ZNF415: variants seen among roughly 807,000 people sequenced by gnomAD.
ZNF415 encodes zinc finger protein 415.
ZNF415 carries 5 observed loss-of-function variants against 7.3 expected under a neutral mutation model. The observed-to-expected ratio is 0.69, with a 90% CI of 0.36 to 1.44. The LOEUF (loss-of-function observed/expected upper bound fraction) is 1.44. Among genes scored for constraint, ZNF415 ranks in the 40% most tolerant of loss-of-function variants. The probability of loss-of-function intolerance (pLI) is 0.04; values close to 1 mark genes in which losing one functional copy is unlikely to be tolerated. For missense variants in ZNF415, 628 were observed against 664.8 expected, an observed-to-expected ratio of 0.94 and a Z score of 0.61; for synonymous variants, 207 against 226.3, an observed-to-expected ratio of 0.91 and a Z score of 0.77.
At chr19:53,118,214 G>C (rs2087368733) in intron 2 of ZNF415, among the ~76,000 whole-genome samples, 1 of 151,924 alleles carries the variant, frequency 6.6e-6, no homozygotes, top group African/African-American at 2.4e-5. Flanking sequence ...AGATGAAAAA[G>C]GTCATTATAT....
chr19:53,118,178 G>T (rs972232597), intron 2 of ZNF415, among the ~76,000 whole-genome samples: 3 of 151,874 alleles, frequency 2.0e-5, no homozygotes, highest in African/African-American at 7.3e-5. Flanking sequence ...CTAACAAAAT[G>T]AATTTTAAGT....
intron 1 of ZNF415, chr19:53,129,648 A>G: frequency 2.5e-6 from 1 of 399,306 alleles, no homozygotes; most frequent in East Asian, 3.6e-5. Context: ...AGAGGGAGTC[A>G]TTTCACCAAG....
intron 1 of ZNF415, among the ~76,000 whole-genome samples, chr19:53,127,886 A>AAAG (rs1201143381): frequency 1.3e-5 from 2 of 148,604 alleles, no homozygotes; most frequent in African/African-American, 2.6e-5. Context: ...AAAAAAAAAA[A>AAAG]AAAGAAAAAG....
chr19:53,125,799 A>G (rs886717471), intron 1 of ZNF415, among the ~76,000 whole-genome samples: 2 of 151,970 alleles, frequency 1.3e-5, no homozygotes, highest in Non-Finnish European at 2.9e-5. Context: ...TTAGCCGGAC[A>G]TGGTGGCACG....
intron 2 of ZNF415, among the ~76,000 whole-genome samples, chr19:53,117,587 T>C (rs2087271646): frequency 6.6e-6 from 1 of 151,982 alleles, no homozygotes; most frequent in South Asian, 2.1e-4. Context: ...ACATTAAATG[T>C]GCTGAAAGAA....
At chr19:53,127,673 T>G (rs940143497) in intron 1 of ZNF415, among the ~76,000 whole-genome samples, 6 of 151,978 alleles carry the variant, frequency 3.9e-5, no homozygotes, top group Non-Finnish European at 7.4e-5. Flanking sequence ...AGTCAGGAGA[T>G]CGAGACCATC....
chr19:53,130,350 G>A (rs2089900311), intron 1 of ZNF415, among the ~76,000 whole-genome samples: 1 of 152,076 alleles, frequency 6.6e-6, no homozygotes. Flanking sequence ...ATAATAAAGA[G>A]CAGAAAGCAT....
intron 3 of ZNF415, chr19:53,115,850 G>A: frequency 6.8e-7 from 1 of 1,466,728 alleles, no homozygotes; most frequent in Non-Finnish European, 9.3e-7. Flanking sequence ...AAAATGAATG[G>A]AACATGATGT....
rs777131360 is a variant in ZNF415, at chr19:53,122,393, G to T, written c.15+269C>A. On this transcript the variant is annotated intron_variant, in intron 2 of 3. Coordinates refer to ENST00000243643, the MANE Select transcript of ZNF415 (RefSeq NM_018355.4). ...TGCTGCCCAACAGCACTGACACCAC[G>T]GGACCCTCACCCCGTCTCCATCCAT... 2.0e-6 allele frequency: 3 copies of T among 1,536,444 alleles called. No homozygotes were observed. In the African/African-American group the frequency reaches 4.1e-5, roughly 21 times the overall value.
At chr19:53,119,905 T>G (rs759874671) in intron 2 of ZNF415, among the ~76,000 whole-genome samples, 2 of 151,904 alleles carry the variant, frequency 1.3e-5, no homozygotes, top group Non-Finnish European at 2.9e-5. Flanking sequence ...GAATAAAAAG[T>G]CTCTGAACAA....
chr19:53,132,323 G>A (rs1281509012), intron 1 of ZNF415, among the ~76,000 whole-genome samples: 3 of 152,164 alleles, frequency 2.0e-5, no homozygotes, highest in Non-Finnish European at 4.4e-5. Flanking sequence ...GTGGAGGAGG[G>A]CAGGCAAGAA....
intron 1 of ZNF415, among the ~76,000 whole-genome samples, chr19:53,125,353 T>C (rs950791928): frequency 1.3e-5 from 2 of 151,564 alleles, no homozygotes; most frequent in Admixed American, 6.6e-5. Context: ...TTTTTTTTTT[T>C]TTAAACAGGA....
intron 3 of ZNF415, among the ~76,000 whole-genome samples, chr19:53,110,444 C>A (rs4277438): frequency 0.018 from 2,684 of 152,172 alleles, 69 homozygotes; most frequent in African/African-American, 0.061. Context: ...TAATAAAACA[C>A]TGTTAAAAAT....
intron 1 of ZNF415, among the ~76,000 whole-genome samples, chr19:53,127,419 A>G (rs1478559291): frequency 1.3e-5 from 2 of 152,164 alleles, no homozygotes; most frequent in African/African-American, 4.8e-5. Context: ...ACCCACGACA[A>G]TGTATTTATT....
In ZNF415 at chr19:53,108,591, G is replaced by A. The variant is rs566923260; in HGVS notation, c.1454C>T (p.Thr485Ile). The A allele has an allele frequency of 5.6e-6, 9 of 1,614,026 alleles. No individual in the cohort carries two copies. The East Asian group carries it at 8.9e-5, about 16-fold the overall frequency. The change falls in exon 4 of 4, where the codon ACC (threonine) becomes ATC (isoleucine). Residue 485 changes from threonine (T) to isoleucine (I), a missense_variant. Coordinates refer to ENST00000243643, the MANE Select transcript of ZNF415 (RefSeq NM_018355.4). ...KGFSVHSSLT[T>I]HQVIHTGEKP... ...TTCTCCAGTATGGATGACCTGATGG[G>A]TAGTTAGGCTTGAATGCACACTGAA... is the stretch of plus-strand genomic sequence containing the variant.
intron 1 of ZNF415, 66 bp downstream of exon 1, chr19:53,132,790 C>T (rs2146772413): frequency 6.6e-6 from 1 of 152,604 alleles, no homozygotes. Context: ...CGTATCGACC[C>T]TGGACATCGG....
chr19:53,129,613 T>A (rs2089776502), intron 1 of ZNF415: 1 of 399,530 alleles, frequency 2.5e-6, no homozygotes, highest in Non-Finnish European at 4.4e-6. Context: ...TTATCTCTGT[T>A]ACAGGTGGGC....
At chr19:53,132,455 G>T (rs991001956) in intron 1 of ZNF415, among the ~76,000 whole-genome samples, 6 of 152,120 alleles carry the variant, frequency 3.9e-5, no homozygotes, top group Non-Finnish European at 7.4e-5. Context: ...CTTCAGACAG[G>T]GGTGGGGTCT....
intron 1 of ZNF415, chr19:53,129,845 C>T (rs754214945): frequency 5.4e-6 from 2 of 371,074 alleles, no homozygotes; most frequent in Non-Finnish European, 9.6e-6. Flanking sequence ...GGGGAGATTA[C>T]TTGAGGCCAG....
Sources: allele counts gnomAD v4.1 joint callset (sites outside exome capture counted in the v4.1 genomes callset), GRCh38; gene constraint gnomAD v4.1.1; transcripts MANE v1.5; gene names NCBI Gene and HGNC (gene_info 2026-07-23, HGNC 2026-07-21).